ADK: variants seen among roughly 807,000 people sequenced by gnomAD.
The protein encoded by ADK is N6,N6-dimethyladenosine kinase.
In ADK, 24 loss-of-function variants were observed where a neutral mutation model predicts 44.7. The ratio of observed to expected loss-of-function variants is 0.54; its 90% confidence interval spans 0.39 to 0.76. ADK has a LOEUF of 0.76. ADK is among the 30% of genes least tolerant of loss of function. The pLI, the probability that ADK is intolerant of heterozygous loss-of-function variation, is 0.00. For synonymous variants in ADK, 128 were observed against 142.6 expected (o/e 0.90, Z 0.73); for missense variants, 321 against 425.1 (o/e 0.76, Z 2.15).
At chr10:74,318,032 G>A (rs542393274) in intron 4 of ADK, among the ~76,000 whole-genome samples, 4 of 152,146 alleles carry the variant, frequency 2.6e-5, no homozygotes, top group African/African-American at 7.2e-5. Context: ...CACCCGCCTC[G>A]GCTTCCCAAA....
intron 1 of ADK, among the ~76,000 whole-genome samples, chr10:74,185,508 T>A (rs943493401): frequency 6.8e-6 from 1 of 146,302 alleles, no homozygotes; most frequent in African/African-American, 2.5e-5. Context: ...TAAAAAAAAA[T>A]GCCAACAATA....
intron 3 of ADK, among the ~76,000 whole-genome samples, chr10:74,259,353 C>T (rs1269163484): frequency 6.6e-6 from 1 of 151,236 alleles, no homozygotes; most frequent in South Asian, 2.1e-4. Flanking sequence ...ACTCAAAAAT[C>T]TTTAGCAAAA....
chr10:74,646,613 T>C (rs1008057699), intron 9 of ADK, among the ~76,000 whole-genome samples: 1 of 152,224 alleles, frequency 6.6e-6, no homozygotes, highest in Non-Finnish European at 1.5e-5. Context: ...TCAGCCTTCA[T>C]TGCTGTTGCT....
intron 3 of ADK, among the ~76,000 whole-genome samples, chr10:74,236,307 T>C (rs1012370374): frequency 6.6e-6 from 1 of 152,178 alleles, no homozygotes; most frequent in South Asian, 2.1e-4. Context: ...GTACATATGC[T>C]CTTTCAGTTT....
Position 74,155,520 on chromosome 10 carries a change from A to T in ADK, c.65+4177A>T, listed in dbSNP as rs75509876. Among the ~76,000 whole-genome samples the T allele has an allele frequency of 4.8e-3, 725 of 151,662 alleles. 3 individuals are homozygous for T. Among genetic ancestry groups the T allele is most frequent in the East Asian group, 0.018 (93 of 5,156 alleles). Reference sequence around the variant, plus strand: ...TCATTTTTCTAGACCCTATATATATATTTTTTTGTTTGTTTGTTTTTGTTT... The same window carrying T: ...TCATTTTTCTAGACCCTATATATATTTTTTTTTGTTTGTTTGTTTTTGTTT... On this transcript the variant is annotated intron_variant, in intron 1 of 10. Coordinates refer to ENST00000539909, the MANE Select transcript of ADK (RefSeq NM_006721.4).
At chr10:74,350,449 A>T (rs189402905) in intron 4 of ADK, among the ~76,000 whole-genome samples, 133 of 152,350 alleles carry the variant, frequency 8.7e-4, no homozygotes, top group Non-Finnish European at 1.5e-3. Context: ...CTAAGTGCCC[A>T]CTTCAGACAG....
chr10:74,581,457 C>T (rs1386262854), intron 7 of ADK, among the ~76,000 whole-genome samples: 1 of 151,900 alleles, frequency 6.6e-6, no homozygotes, highest in Non-Finnish European at 1.5e-5. Flanking sequence ...TTTAGATGAT[C>T]AAATATATAA....
chr10:74,422,557 A>G (rs750647831), intron 6 of ADK, among the ~76,000 whole-genome samples: 7 of 152,204 alleles, frequency 4.6e-5, no homozygotes, highest in Non-Finnish European at 7.3e-5. Context: ...CATTAGAACA[A>G]ATTGGATGAG....
At chr10:74,317,171 T>C (rs1840653139) in intron 4 of ADK, among the ~76,000 whole-genome samples, 2 of 152,224 alleles carry the variant, frequency 1.3e-5, no homozygotes, top group African/African-American at 4.8e-5. Context: ...GTTGATATCT[T>C]GTCCAAACAC....
At chr10:74,238,345 G>C (rs1334321138) in intron 3 of ADK, among the ~76,000 whole-genome samples, 1 of 152,046 alleles carries the variant, frequency 6.6e-6, no homozygotes. Context: ...CTGGCAACGC[G>C]GAAATGGCTG....
chr10:74,574,326 A>T (rs1272487904), intron 7 of ADK, among the ~76,000 whole-genome samples: 1 of 151,506 alleles, frequency 6.6e-6, no homozygotes, highest in Non-Finnish European at 1.5e-5. Context: ...GCATGCCACC[A>T]CGCCCTGTTA....
chr10:74,297,426 C>CA, intron 3 of ADK, among the ~76,000 whole-genome samples: 1 of 152,178 alleles, frequency 6.6e-6, no homozygotes, highest in Non-Finnish European at 1.5e-5. Flanking sequence ...TTTTAAAAAA[C>CA]AATTTAAGAA....
Position 74,485,822 on chromosome 10 carries a change from A to G in ADK, c.556-39434A>G, listed in dbSNP as rs561451612. On this transcript the variant is annotated intron_variant, in intron 6 of 10. Coordinates refer to ENST00000539909, the MANE Select transcript of ADK (RefSeq NM_006721.4). ...GTTTTAAAGATGTTTATTTATTAGA[A>G]GACTCAATACTGTAAAGATGCAATA... 5.3e-5 allele frequency among the ~76,000 whole-genome samples: 8 copies of G among 152,342 alleles called. No individual in the cohort carries two copies. The East Asian group carries it at 1.5e-3, about 29-fold the overall frequency.
Position 74,672,472 on chromosome 10 carries a change from C to A in ADK, c.964+2203C>A, listed in dbSNP as rs1855225442. Among the ~76,000 whole-genome samples, 3 of 152,274 alleles carry A rather than the reference C, an allele frequency of 2.0e-5. No homozygotes were observed. In the South Asian group the frequency reaches 6.2e-4, roughly 32 times the overall value. ...TTTCAAAGCTCCAGACACTGGATTT[C>A]ACTATACATTGTTGAAATCAGAATA... On this transcript the variant is annotated intron_variant, in intron 10 of 10. Coordinates refer to ENST00000539909, the MANE Select transcript of ADK (RefSeq NM_006721.4).
chr10:74,314,438 G>A (rs1488884857), intron 3 of ADK, among the ~76,000 whole-genome samples: 1 of 152,058 alleles, frequency 6.6e-6, no homozygotes, highest in Non-Finnish European at 1.5e-5. Context: ...ATTATGGACA[G>A]TCTGTTTTAA....
intron 9 of ADK, among the ~76,000 whole-genome samples, chr10:74,602,703 C>G (rs905923088): frequency 1.3e-5 from 2 of 152,138 alleles, no homozygotes; most frequent in Non-Finnish European, 2.9e-5. Flanking sequence ...ATCTGCAATG[C>G]ATGATAAATA....
chr10:74,210,319 C>G (rs1328264298), intron 2 of ADK, among the ~76,000 whole-genome samples: 1 of 134,298 alleles, frequency 7.4e-6, no homozygotes, highest in Non-Finnish European at 1.6e-5. Flanking sequence ...CAGAGTGAGA[C>G]TCCATCTCAG....
chr10:74,257,050 A>T (rs1250014308), intron 3 of ADK, among the ~76,000 whole-genome samples: 1 of 152,222 alleles, frequency 6.6e-6, no homozygotes, highest in Non-Finnish European at 1.5e-5. Context: ...TAATTTGTTA[A>T]ATAAAAGTGT....
intron 7 of ADK, among the ~76,000 whole-genome samples, chr10:74,546,210 A>G (rs569114208): frequency 6.6e-5 from 10 of 152,342 alleles, no homozygotes; most frequent in African/African-American, 2.2e-4. Context: ...GATGGCTGCA[A>G]AATGGGTGAA....
Sources: gnomAD v4.1 joint callset for allele counts (sites outside exome capture counted in the v4.1 genomes callset) on GRCh38, gnomAD v4.1.1 for gene constraint, MANE v1.5 for transcripts, NCBI Gene and HGNC (gene_info 2026-07-23, HGNC 2026-07-21) for gene names.